FNDC3B: variants seen among roughly 807,000 people sequenced by gnomAD.
The protein encoded by FNDC3B is fibronectin type III domain-containing protein 3B.
Under a neutral mutation model 151.5 loss-of-function variants are expected in FNDC3B, and 12 were observed. The observed-to-expected ratio is 0.08, with a 90% CI of 0.05 to 0.13. FNDC3B has a LOEUF of 0.13. Ranked by LOEUF, FNDC3B falls within the 10% of genes least tolerant of loss-of-function variation. The pLI is 1.00. For synonymous variants in FNDC3B, 528 were observed against 549.0 expected (o/e 0.96, Z 0.54); for missense variants, 1,214 against 1,505.3 (o/e 0.81, Z 3.20).
chr3:172,047,862 G>A (rs944753704), intron 1 of FNDC3B, among the ~76,000 whole-genome samples: 1 of 152,084 alleles, frequency 6.6e-6, no homozygotes, highest in Non-Finnish European at 1.5e-5. Flanking sequence ...TTTGTCATGT[G>A]TAAGCATTTG....
intron 1 of FNDC3B, among the ~76,000 whole-genome samples, chr3:172,077,827 T>G (rs976238861): frequency 1.3e-5 from 2 of 152,098 alleles, no homozygotes; most frequent in African/African-American, 4.8e-5. Flanking sequence ...ACCTAAAAAA[T>G]TATATTTTCG....
In FNDC3B at chr3:172,087,455, C is replaced by T. The variant is rs1166573951; in HGVS notation, c.-28-24997C>T. On this transcript the variant is annotated intron_variant, in intron 1 of 25. Transcript: ENST00000415807. ...AAGAATGAGTGCATATGTGTGTGGGCGTTAAAAGAGCTTATAACTTGGTTA... is the reference window on the plus strand; with the variant it reads ...AAGAATGAGTGCATATGTGTGTGGGTGTTAAAAGAGCTTATAACTTGGTTA... 5.3e-5 allele frequency among the ~76,000 whole-genome samples: 8 copies of T among 151,938 alleles called. No individual in the cohort carries two copies. In the South Asian group the frequency reaches 1.0e-3, roughly 20 times the overall value.
chr3:172,344,314 A>T, intron 19 of FNDC3B, 56 bp downstream of exon 19: 1 of 1,511,454 alleles, frequency 6.6e-7, no homozygotes, highest in Non-Finnish European at 9.0e-7. Context: ...CAGAACCCAA[A>T]GTGCTAGCAC....
At position 172,400,043 on chromosome 3, in the gene FNDC3B, T is replaced by A. The variant is rs1736496501; in HGVS notation, c.*2568T>A. The A allele has an allele frequency of 6.6e-6, 1 of 152,656 alleles. No individual in the cohort carries two copies. The highest frequency in any genetic ancestry group is 6.5e-5 in the Admixed American group (1 of 15,284). The allele number at this position is 152,656 out of a possible 1,614,324, so 9.5% of individuals were successfully genotyped here. ...TATTACTCTCTATGGCACTGTTTTTTATCACAAATATGTATATGTGATATT... is the reference window on the plus strand; with the variant it reads ...TATTACTCTCTATGGCACTGTTTTTAATCACAAATATGTATATGTGATATT... On this transcript the variant is annotated 3_prime_UTR_variant, in exon 26 of 26. Transcript: ENST00000415807.
rs762560445 is a variant in FNDC3B at position 172,133,629 on chromosome 3, A to G, written c.187+83A>G. The G allele has an allele frequency of 1.2e-5, 12 of 982,312 alleles. 1 individual carries two copies. The highest frequency in any genetic ancestry group is 5.1e-5 in the South Asian group (4 of 77,914). 60.8% of individuals were successfully genotyped at this position (982,312 alleles called of 1,614,324 possible). A position where few individuals can be genotyped will look rare whatever the true frequency, so the allele number is the denominator to read the frequency against. On this transcript the variant is annotated intron_variant, in intron 3 of 25. Coordinates refer to ENST00000415807, the MANE Select transcript of FNDC3B (RefSeq NM_022763.4). ...GTAATGTTTTTCTGTGTGTGTCTGC[A>G]TGTAATTTTCTAGAAGTAAAGTATA...
rs542330832 is a variant in FNDC3B, at chr3:172,221,602, C to T, written c.188-5269C>T. Among the ~76,000 whole-genome samples the T allele has an allele frequency of 9.9e-5, 15 of 152,118 alleles. No individual in the cohort carries two copies. In the South Asian group the frequency reaches 1.0e-3, roughly 11 times the overall value. On this transcript the variant is annotated intron_variant, in intron 3 of 25. Transcript: ENST00000415807. ...GTTGAAGAACCACTGCAGCAGAGTT[C>T]GAATTTCTTTAAAGTTAGCATCTGT...
intron 24 of FNDC3B, among the ~76,000 whole-genome samples, chr3:172,379,362 C>G (rs1182025104): frequency 6.6e-6 from 1 of 152,240 alleles, no homozygotes; most frequent in Non-Finnish European, 1.5e-5. Context: ...CACAAGAGAT[C>G]CTTGCATATG....
chr3:172,110,917 G>A (rs1274250557), intron 1 of FNDC3B, among the ~76,000 whole-genome samples: 1 of 151,992 alleles, frequency 6.6e-6, no homozygotes, highest in Non-Finnish European at 1.5e-5. Flanking sequence ...TGGCCAACAT[G>A]GCGAAACCCT....
Position 172,400,518 on chromosome 3 carries a change from A to G in FNDC3B, c.*3043A>G, listed in dbSNP as rs1736517628. On this transcript the variant is annotated 3_prime_UTR_variant, in exon 26 of 26. Coordinates refer to ENST00000415807, the MANE Select transcript of FNDC3B (RefSeq NM_022763.4). ...CCAAGCTTTTCAACTCTAGGAGAAA[A>G]AGAAAATCATGTTTTCCTGTATTGT... 6.6e-6 allele frequency: 1 copy of G among 152,650 alleles called. No homozygotes were observed. The highest frequency in any genetic ancestry group is 1.5e-5 in the Non-Finnish European group (1 of 68,036). The allele number at this position is 152,650 out of a possible 1,614,324, so 9.5% of individuals were successfully genotyped here.
chr3:172,351,219 G>A (rs1733835207), intron 21 of FNDC3B, among the ~76,000 whole-genome samples: 1 of 152,218 alleles, frequency 6.6e-6, no homozygotes, highest in Admixed American at 6.5e-5. Context: ...AAGTTGAAAT[G>A]TGTTCAGAGA....
intron 15 of FNDC3B, 86 bp from the exon 16 acceptor site, chr3:172,337,244 G>A (rs1413832095): frequency 8.0e-6 from 7 of 870,140 alleles, no homozygotes; most frequent in Admixed American, 4.0e-5. Flanking sequence ...TAGTATAATG[G>A]TGTGTGATTT....
At chr3:172,235,987 T>C (rs1262727822) in intron 4 of FNDC3B, among the ~76,000 whole-genome samples, 1 of 152,230 alleles carries the variant, frequency 6.6e-6, no homozygotes, top group Non-Finnish European at 1.5e-5. Context: ...CCACTGCTGA[T>C]AGCTTTATTC....
intron 3 of FNDC3B, among the ~76,000 whole-genome samples, chr3:172,140,112 T>G (rs1297662980): frequency 6.6e-6 from 1 of 152,318 alleles, no homozygotes; most frequent in East Asian, 1.9e-4. Flanking sequence ...ATGGCCATCT[T>G]TCTTTCTGAT....
chr3:172,094,692 A>G (rs1409995880), intron 1 of FNDC3B, among the ~76,000 whole-genome samples: 1 of 151,942 alleles, frequency 6.6e-6, no homozygotes, highest in Non-Finnish European at 1.5e-5. Flanking sequence ...TCCTGCACAT[A>G]TCTGGAGAAA....
At chr3:172,279,846 T>C (rs971236797) in intron 6 of FNDC3B, among the ~76,000 whole-genome samples, 1 of 152,234 alleles carries the variant, frequency 6.6e-6, no homozygotes, top group Non-Finnish European at 1.5e-5. Context: ...TATTTCAAAA[T>C]TGAAGATGGC....
At chr3:172,071,995 C>G (rs986784411) in intron 1 of FNDC3B, among the ~76,000 whole-genome samples, 1 of 151,638 alleles carries the variant, frequency 6.6e-6, no homozygotes, top group Non-Finnish European at 1.5e-5. Context: ...AGTACTGGCC[C>G]TTAACAACTC....
At chr3:172,299,253 T>G (rs764859402) in intron 9 of FNDC3B, among the ~76,000 whole-genome samples, 3 of 152,206 alleles carry the variant, frequency 2.0e-5, no homozygotes, top group Non-Finnish European at 4.4e-5. Flanking sequence ...AAGCATCAAA[T>G]TATCTCTGAT....
intron 6 of FNDC3B, among the ~76,000 whole-genome samples, chr3:172,259,710 A>G (rs1291470387): frequency 2.6e-5 from 4 of 152,314 alleles, no homozygotes; most frequent in South Asian, 4.1e-4. Context: ...AGTAGAGTAT[A>G]TAATTGTCTT....
In FNDC3B at chr3:172,315,570, A is replaced by T. The variant is rs2108261534; in HGVS notation, c.1254+4689A>T. On this transcript the variant is annotated intron_variant, in intron 11 of 25. Transcript: ENST00000415807. ...TTAATAACTGACCCCGCATTTTTGT[A>T]GATTTTTAGCCGCTTTCCTCCTTCA... Among the ~76,000 whole-genome samples, 3 of 152,296 alleles carry T rather than the reference A, an allele frequency of 2.0e-5. No homozygotes were observed. The South Asian group carries it at 6.2e-4, about 32-fold the overall frequency.
Sources: allele counts gnomAD v4.1 joint callset (sites outside exome capture counted in the v4.1 genomes callset), GRCh38; gene constraint gnomAD v4.1.1; transcripts MANE v1.5; gene names NCBI Gene and HGNC (gene_info 2026-07-23, HGNC 2026-07-21).